RNASEL: variants seen among roughly 807,000 people sequenced by gnomAD.
RNASEL encodes the protein 2-5A-dependent ribonuclease.
Under a neutral mutation model 50.9 loss-of-function variants are expected in RNASEL, and 36 were observed. That is an observed-to-expected ratio of 0.71 (90% CI 0.54 to 0.93). The LOEUF (loss-of-function observed/expected upper bound fraction) is 0.93, where lower values mean the gene tolerates loss of function less well. RNASEL is among the 40% of genes least tolerant of loss of function. The pLI, the probability that RNASEL is intolerant of heterozygous loss-of-function variation, is 0.00. For missense variants in RNASEL, 860 were observed against 894.5 expected (o/e 0.96, Z 0.49); for synonymous variants, 335 against 335.6 (o/e 1.00, Z 0.02).
chr1:182,581,670 C>T (rs1163772903), intron 4 of RNASEL, among the ~76,000 whole-genome samples: 5 of 151,534 alleles, frequency 3.3e-5, no homozygotes, highest in African/African-American at 1.2e-4. Flanking sequence ...TTAGTAGAGA[C>T]GGGGTTTCAC....
At chr1:182,579,950 C>A in intron 5 of RNASEL, 1 of 458,140 alleles carries the variant, frequency 2.2e-6, no homozygotes, top group Non-Finnish European at 4.4e-6. Context: ...TCCTGGTGCA[C>A]CCCTTACTGG....
chr1:182,582,567 A>G (rs1405184086), intron 3 of RNASEL, among the ~76,000 whole-genome samples: 1 of 152,202 alleles, frequency 6.6e-6, no homozygotes, highest in African/African-American at 2.4e-5. Flanking sequence ...AATTGAGGAA[A>G]GGGAGAATGC....
In RNASEL at chr1:182,588,666, GTTAA is replaced by G. The variant is rs774793455; in HGVS notation, c.-165+497_-165+500del. 1.2e-4 allele frequency among the ~76,000 whole-genome samples: 19 copies of G among 152,276 alleles called. No homozygotes were observed. In the Middle Eastern group the frequency reaches 0.01, roughly 82 times the overall value. ...CTCTGACAGTTTCAAAGCCTCAGAGGTTAATTGATTAGCCTCTTAGAAGTTTAAT... is the reference window on the plus strand; with the variant it reads ...CTCTGACAGTTTCAAAGCCTCAGAGGTTGATTAGCCTCTTAGAAGTTTAAT... On this transcript the variant is annotated intron_variant, in intron 1 of 6. Coordinates refer to ENST00000367559, the MANE Select transcript of RNASEL (RefSeq NM_021133.4).
chr1:182,577,965 A>G (rs937546863), intron 5 of RNASEL, among the ~76,000 whole-genome samples: 1 of 152,186 alleles, frequency 6.6e-6, no homozygotes, highest in East Asian at 1.9e-4. Flanking sequence ...TCTCTCTCTC[A>G]GTGTATACAA....
intron 5 of RNASEL, chr1:182,579,968 T>C (rs1156926505): frequency 2.2e-6 from 1 of 457,082 alleles, no homozygotes; most frequent in South Asian, 1.5e-5. Context: ...TGGTTCTGTG[T>C]AGTTGGAAAA....
In RNASEL at chr1:182,575,011, ACT is replaced by A. The variant is rs1487962557; in HGVS notation, c.*379_*380del. On this transcript the variant is annotated 3_prime_UTR_variant, in exon 7 of 7. Coordinates refer to ENST00000367559, the MANE Select transcript of RNASEL (RefSeq NM_021133.4). ...GAATAATCTTGGGCCAGTAGCTCAC[ACT>A]CTCTGAGTCTCAGGTTCCTCAGTTC... The A allele has an allele frequency of 8.7e-6, 3 of 344,128 alleles. No individual in the cohort carries two copies. Among genetic ancestry groups the A allele is most frequent in the African/African-American group, 4.1e-5 (2 of 48,320 alleles). The allele number at this position is 344,128 out of a possible 1,614,324, so 21.3% of individuals were successfully genotyped here.
chr1:182,575,148 T>C lies in RNASEL; in HGVS notation c.*244A>G, dbSNP rs1308959735. The C allele has an allele frequency of 3.7e-6, 2 of 543,454 alleles. No homozygotes were observed. Among genetic ancestry groups the C allele is most frequent in the East Asian group, 3.1e-5 (1 of 32,756 alleles). 33.7% of individuals were successfully genotyped at this position (543,454 alleles called of 1,614,324 possible). On this transcript the variant is annotated 3_prime_UTR_variant, in exon 7 of 7. Coordinates refer to ENST00000367559, the MANE Select transcript of RNASEL (RefSeq NM_021133.4). ...AAGGCACTCATTCTTTTGGTGCAAT[T>C]GACAAAAGGAATCTTAGCAGAATGT...
Position 182,574,613 on chromosome 1 carries a change from T to C in RNASEL, c.*779A>G, listed in dbSNP as rs1023859795. ...AGGGGCTGTCCTGTGCAAGGCAGGT[T>C]TGGCAGCATCCCTGGTCTTTACCCA... On this transcript the variant is annotated 3_prime_UTR_variant, in exon 7 of 7. Coordinates refer to ENST00000367559, the MANE Select transcript of RNASEL (RefSeq NM_021133.4). 7.7e-5 allele frequency: 18 copies of C among 232,836 alleles called. No homozygotes were observed. The highest frequency in any genetic ancestry group is 2.6e-3 in the Middle Eastern group (2 of 784). The allele number at this position is 232,836 out of a possible 1,614,324, so 14.4% of individuals were successfully genotyped here.
intron 5 of RNASEL, among the ~76,000 whole-genome samples, chr1:182,580,772 A>G (rs971155513): frequency 6.6e-6 from 1 of 152,248 alleles, no homozygotes; most frequent in African/African-American, 2.4e-5. Context: ...CTCAGGCAGA[A>G]TGTAGGTCTG....
rs1661356203 is a variant in RNASEL at position 182,575,203 on chromosome 1, C to G, written c.*189G>C. The G allele has an allele frequency of 3.2e-6, 2 of 616,660 alleles. No individual in the cohort carries two copies. Among genetic ancestry groups the G allele is most frequent in the Non-Finnish European group, 5.8e-6 (2 of 346,252 alleles). 38.2% of individuals were successfully genotyped at this position (616,660 alleles called of 1,614,324 possible). ...CCAGTTAGTGGGTAAAGCTTATGGA[C>G]TAGTGTAGTCTGGGTATATATTGCT... is the stretch of plus-strand genomic sequence containing the variant. On this transcript the variant is annotated 3_prime_UTR_variant, in exon 7 of 7. Transcript: ENST00000367559.
At chr1:182,584,803 G>T (rs1661560876) in intron 2 of RNASEL, among the ~76,000 whole-genome samples, 1 of 152,074 alleles carries the variant, frequency 6.6e-6, no homozygotes. Context: ...TTGCTTCCTG[G>T]GACTTTACGG....
Position 182,585,702 on chromosome 1 carries a change from A to G in RNASEL, c.1105T>C (p.Tyr369His), listed in dbSNP as rs1661579780. 1 of 1,613,806 alleles carries G rather than the reference A, an allele frequency of 6.2e-7. No homozygotes were observed. Among genetic ancestry groups the G allele is most frequent in the Non-Finnish European group, 8.5e-7 (1 of 1,180,018 alleles). ...GKLKFFIDEK[Y>H]KIADTSEGGI... ...CCTTCTGAAGTATCAGCAATTTTGT[A>G]TTTTTCATCAATAAAGAACTTGAGT... The change falls in exon 2 of 7, where the codon TAC becomes CAC. Residue 369 changes from tyrosine to histidine, a missense_variant. Physicochemically the swap from Tyr to His is moderately conservative, Grantham distance 83 (BLOSUM62 2). Coordinates refer to ENST00000367559, the MANE Select transcript of RNASEL (RefSeq NM_021133.4).
chr1:182,581,375 A>G lies in RNASEL; in HGVS notation c.1773-18T>C, dbSNP rs1661492512. 6.2e-7 allele frequency: 1 copy of G among 1,612,498 alleles called. No homozygotes were observed. Among genetic ancestry groups the G allele is most frequent in the South Asian group, 1.1e-5 (1 of 91,058 alleles). ...TATAGCGGCTGAAGATGACTAAATG[A>G]TCTAAATGATCATGATCATCCCATC... On this transcript the variant is annotated intron_variant, in intron 4 of 6. Coordinates refer to ENST00000367559, the MANE Select transcript of RNASEL (RefSeq NM_021133.4).
chr1:182,575,238 G>T lies in RNASEL; in HGVS notation c.*154C>A. 1 of 741,578 alleles carries T rather than the reference G, an allele frequency of 1.3e-6. No homozygotes were observed. Among genetic ancestry groups the T allele is most frequent in the Non-Finnish European group, 2.4e-6 (1 of 418,090 alleles). 45.9% of individuals were successfully genotyped at this position (741,578 alleles called of 1,614,324 possible). A position where few individuals can be genotyped will look rare whatever the true frequency, so the allele number is the denominator to read the frequency against. On this transcript the variant is annotated 3_prime_UTR_variant, in exon 7 of 7. Transcript: ENST00000367559. ...CTGGGTATATATTGCTTTTGTTATA[G>T]ACATATGGAATACACGATGCCAGGG...
chr1:182,586,483 C>G lies in RNASEL; in HGVS notation c.324G>C (p.Leu108=). 1.9e-6 allele frequency: 3 copies of G among 1,613,142 alleles called. No individual in the cohort carries two copies. Among genetic ancestry groups the G allele is most frequent in the Non-Finnish European group, 2.5e-6 (3 of 1,179,190 alleles). The change falls in exon 2 of 7, where the codon CTG becomes CTC. Residue 108 remains leucine, a synonymous_variant. Coordinates refer to ENST00000367559, the MANE Select transcript of RNASEL (RefSeq NM_021133.4). ...CTGCTCCTTTAGAAAGGAAAAGTTT[C>G]AGCAGCTTCACGCTCCCCGCAATCG... ...LAAIAGSVKL[L]KLFLSKGADV...
chr1:182,576,077 C>T (rs781221563), intron 6 of RNASEL, among the ~76,000 whole-genome samples, 179 bp downstream of exon 6: 1 of 152,224 alleles, frequency 6.6e-6, no homozygotes, highest in African/African-American at 2.4e-5. Context: ...GCCTGCTGGA[C>T]ATGTCCCTCA....
Position 182,585,733 on chromosome 1 carries a change from A to C in RNASEL, c.1074T>G (p.Ile358Met), listed in dbSNP as rs755668403. 1 of 1,614,100 alleles carries C rather than the reference A, an allele frequency of 6.2e-7. No homozygotes were observed. Among genetic ancestry groups the C allele is most frequent in the East Asian group, 2.2e-5 (1 of 44,872 alleles). ...KDLHRIYRPMIGKLKFFIDEK... is the reference protein window; with the variant it reads ...KDLHRIYRPMMGKLKFFIDEK... ...CATCAATAAAGAACTTGAGTTTGCCAATCATAGGGCGGTATATTCTGTGGA... is the reference window on the plus strand; with the variant it reads ...CATCAATAAAGAACTTGAGTTTGCCCATCATAGGGCGGTATATTCTGTGGA... The change falls in exon 2 of 7, where the codon ATT (isoleucine) becomes ATG (methionine). Residue 358 changes from isoleucine (I) to methionine (M), a missense_variant. Transcript: ENST00000367559.
chr1:182,576,418 G>A (rs768985311), intron 5 of RNASEL, 29 bp from the exon 6 acceptor site: 14 of 1,512,898 alleles, frequency 9.3e-6, no homozygotes, highest in Non-Finnish European at 1.2e-5. Context: ...ACACAAAAAT[G>A]TGGTAGCAAC....
chr1:182,587,423 T>C (rs937321898), intron 1 of RNASEL, among the ~76,000 whole-genome samples: 1 of 152,074 alleles, frequency 6.6e-6, no homozygotes, highest in Non-Finnish European at 1.5e-5. Flanking sequence ...AAAATCTAAA[T>C]GATGTTGCAG....
Sources: allele counts gnomAD v4.1 joint callset (sites outside exome capture counted in the v4.1 genomes callset), GRCh38; gene constraint gnomAD v4.1.1; transcripts MANE v1.5; gene names NCBI Gene and HGNC (gene_info 2026-07-23, HGNC 2026-07-21).